Variants in HMCN1 observed in about 807,000 individuals in gnomAD.
HMCN1 encodes hemicentin-1.
HMCN1 carries 321 observed loss-of-function variants against 625.9 expected under a neutral mutation model. The ratio of observed to expected loss-of-function variants is 0.51; its 90% CI spans 0.47 to 0.56. HMCN1 has a LOEUF of 0.56. Ranked by LOEUF, HMCN1 falls within the 20% of genes least tolerant of loss-of-function variation. The pLI is 0.00. For missense variants in HMCN1, 6,588 were observed against 6,887.3 expected, an observed-to-expected ratio of 0.96 and a Z score of 1.54; for synonymous variants, 2,425 against 2,417.6, an observed-to-expected ratio of 1.00 and a Z score of -0.09.
chr1:185,809,961 C>T (rs911468668), intron 1 of HMCN1, among the ~76,000 whole-genome samples: 2 of 151,952 alleles, frequency 1.3e-5, no homozygotes, highest in African/African-American at 4.8e-5. Flanking sequence ...ATATCTTTGC[C>T]CCTACTCATT....
intron 1 of HMCN1, among the ~76,000 whole-genome samples, chr1:185,810,406 A>T (rs1659437485): frequency 6.6e-6 from 1 of 152,208 alleles, no homozygotes; most frequent in Non-Finnish European, 1.5e-5. Context: ...CAATAAAAAG[A>T]TTCACAGACA....
intron 1 of HMCN1, among the ~76,000 whole-genome samples, chr1:185,738,580 A>G (rs1051328031): frequency 1.3e-5 from 2 of 152,212 alleles, no homozygotes; most frequent in African/African-American, 2.4e-5. Flanking sequence ...TATACCTGGC[A>G]GTGGAATTGC....
intron 56 of HMCN1, 61 bp from the exon 57 acceptor site, chr1:186,082,804 A>G: frequency 1.2e-6 from 1 of 848,868 alleles, no homozygotes; most frequent in Non-Finnish European, 1.8e-6. Context: ...TAAAAAATAG[A>G]CAAATATGAC....
chr1:185,850,407 CTT>C (rs939082558), intron 2 of HMCN1, among the ~76,000 whole-genome samples: 2 of 152,156 alleles, frequency 1.3e-5, no homozygotes, highest in East Asian at 1.9e-4. Flanking sequence ...ACAATACACT[CTT>C]ATATTCTTGA....
At chr1:185,976,216 A>G (rs762381794) in intron 15 of HMCN1, among the ~76,000 whole-genome samples, 3 of 152,144 alleles carry the variant, frequency 2.0e-5, no homozygotes, top group South Asian at 2.1e-4. Context: ...AAACCAGATT[A>G]AAGATTGCCA....
chr1:185,843,169 G>A (rs1661590951), intron 1 of HMCN1, among the ~76,000 whole-genome samples: 1 of 152,152 alleles, frequency 6.6e-6, no homozygotes, highest in Admixed American at 6.5e-5. Flanking sequence ...ACGTAGGAAT[G>A]ATCTCTGCAT....
intron 4 of HMCN1, among the ~76,000 whole-genome samples, chr1:185,866,919 T>C (rs541134785): frequency 2.0e-5 from 3 of 152,124 alleles, no homozygotes; most frequent in East Asian, 1.9e-4. Flanking sequence ...GTTTGTTACA[T>C]AGGTAAACGT....
chr1:185,814,446 T>C (rs1228575390), intron 1 of HMCN1, among the ~76,000 whole-genome samples: 1 of 152,178 alleles, frequency 6.6e-6, no homozygotes, highest in Non-Finnish European at 1.5e-5. Flanking sequence ...GAGAAATTAC[T>C]CATACTTCTA....
chr1:185,977,971 CTTTAT>C lies in HMCN1; in HGVS notation c.2561_2565del (p.Ile854LysfsTer6). On this transcript the variant is annotated frameshift_variant, in exon 16 of 107. Transcript: ENST00000271588. LOFTEE classifies it high-confidence loss of function. ...TCAGCCAACTAAGAACAGGAGCTCTCTTTATTTTAAGTAGGTTGAAGGAAATATAT... is the reference window on the plus strand; with the variant it reads ...TCAGCCAACTAAGAACAGGAGCTCTCTTTAAGTAGGTTGAAGGAAATATAT... The C allele has an allele frequency of 6.2e-7, 1 of 1,610,216 alleles. No homozygotes were observed. The highest frequency in any genetic ancestry group is 1.1e-5 in the South Asian group (1 of 91,008).
In HMCN1 at chr1:186,114,737, G is replaced by A; in HGVS notation, c.11277-82G>A. 3 of 1,489,460 alleles carry A rather than the reference G, an allele frequency of 2.0e-6. No individual in the cohort carries two copies. In the Admixed American group the frequency reaches 5.0e-5, roughly 25 times the overall value. The allele number at this position is 1,489,460 out of a possible 1,614,324, so 92.3% of individuals were successfully genotyped here. On this transcript the variant is annotated intron_variant, in intron 73 of 106. Transcript: ENST00000271588. ...AAAAATACTGAATGGATTTCACCAA[G>A]TGTTTAACATTTCCCTCAGTCAAAA...
At chr1:185,798,756 G>T (rs986501152) in intron 1 of HMCN1, among the ~76,000 whole-genome samples, 2 of 149,856 alleles carry the variant, frequency 1.3e-5, no homozygotes, top group African/African-American at 5.1e-5. Context: ...CTATCTCATT[G>T]ATATATTTTT....
chr1:186,005,395 T>TTTATAAATGTTTATAAACAAGA (rs1653536735), intron 29 of HMCN1, among the ~76,000 whole-genome samples: 1 of 149,424 alleles, frequency 6.7e-6, no homozygotes. Flanking sequence ...TATAAACAAG[T>TTTATAAATGTTTATAAACAAGA]TTTTAATTGT....
chr1:185,901,973 T>C (rs1392979530), intron 4 of HMCN1, among the ~76,000 whole-genome samples: 1 of 151,796 alleles, frequency 6.6e-6, no homozygotes, highest in Admixed American at 6.6e-5. Context: ...TTTTACATCC[T>C]TCCAGTATAT....
intron 43 of HMCN1, among the ~76,000 whole-genome samples, 158 bp from the exon 44 acceptor site, chr1:186,053,667 A>G (rs928474485): frequency 6.6e-6 from 1 of 152,070 alleles, no homozygotes; most frequent in African/African-American, 2.4e-5. Flanking sequence ...TCATTTAAAT[A>G]TTACTGCTCC....
chr1:185,885,497 T>A (rs1664588396), intron 4 of HMCN1, among the ~76,000 whole-genome samples: 1 of 151,686 alleles, frequency 6.6e-6, no homozygotes, highest in Non-Finnish European at 1.5e-5. Flanking sequence ...AAAAATTACT[T>A]TAGTGACAAA....
chr1:185,965,871 G>A lies in HMCN1; in HGVS notation c.2168G>A (p.Cys723Tyr). The change falls in exon 14 of 107, where the codon TGC becomes TAC. Residue 723 changes from cysteine (C) to tyrosine (Y), a missense_variant. Cys to Tyr is a radical substitution (Grantham distance 194). Coordinates refer to ENST00000271588, the MANE Select transcript of HMCN1 (RefSeq NM_031935.3). Reference protein sequence around the residue: ...VALGDITVMECKTSGIPPPQV... With the variant: ...VALGDITVMEYKTSGIPPPQV... ...CTTGGGGATATAACCGTTATGGAAT[G>A]CAAAACCTCTGGTATTCCTCCACCT... 2.5e-6 allele frequency: 4 copies of A among 1,610,254 alleles called. No homozygotes were observed. The East Asian group carries it at 8.9e-5, about 36-fold the overall frequency.
At chr1:185,823,677 G>A (rs1048157896) in intron 1 of HMCN1, among the ~76,000 whole-genome samples, 2 of 152,166 alleles carry the variant, frequency 1.3e-5, no homozygotes, top group African/African-American at 4.8e-5. Flanking sequence ...CCAGAAGATA[G>A]ACATGAAATA....
At chr1:186,133,652 G>A (rs1032627080) in intron 86 of HMCN1, among the ~76,000 whole-genome samples, 1 of 152,126 alleles carries the variant, frequency 6.6e-6, no homozygotes, top group Non-Finnish European at 1.5e-5. Flanking sequence ...CTCTAGATTA[G>A]TTAGCTGTTT....
chr1:186,045,728 C>A lies in HMCN1; in HGVS notation c.6345C>A (p.Val2115=), dbSNP rs185978059. 15 of 1,613,250 alleles carry A rather than the reference C, an allele frequency of 9.3e-6. No individual in the cohort carries two copies. In the East Asian group the frequency reaches 3.1e-4, roughly 34 times the overall value. The change falls in exon 41 of 107, where the codon GTC becomes GTA. Residue 2115 remains valine (V), a synonymous_variant. Transcript: ENST00000271588. ...TGGGAGAAGAACAGAATGTCTCTGT[C>A]CTCATTAGCCAAGCTGTGGAATTAC... ...NIMGEEQNVS[V]LISQAVELLC...
Sources: allele counts gnomAD v4.1 joint callset (sites outside exome capture counted in the v4.1 genomes callset), GRCh38; gene constraint gnomAD v4.1.1; transcripts MANE v1.5; gene names NCBI Gene and HGNC (gene_info 2026-07-23, HGNC 2026-07-21).